FMNL2: variants seen among roughly 807,000 people sequenced by gnomAD.
FMNL2 encodes formin like 2.
In FMNL2, 51 loss-of-function variants were observed where a neutral mutation model predicts 130.2. The observed-to-expected ratio is 0.39, with a 90% CI of 0.31 to 0.49. The LOEUF (loss-of-function observed/expected upper bound fraction) is 0.49, where lower values mean the gene tolerates loss of function less well. Ranked by LOEUF, FMNL2 falls within the 20% of genes least tolerant of loss-of-function variation. The probability of loss-of-function intolerance (pLI) is 0.85; values close to 1 mark genes in which losing one functional copy is unlikely to be tolerated. For synonymous variants in FMNL2, 465 were observed against 467.1 expected, an observed-to-expected ratio of 1.00 and a Z score of 0.06; for missense variants, 977 against 1,316.2, an observed-to-expected ratio of 0.74 and a Z score of 3.99.
chr2:152,549,629 G>A (rs1694828599), intron 4 of FMNL2, among the ~76,000 whole-genome samples: 1 of 152,182 alleles, frequency 6.6e-6, no homozygotes, highest in African/African-American at 2.4e-5. Flanking sequence ...TAAATCCACT[G>A]TGGGAAAATA....
chr2:152,615,582 T>G (rs546589973), intron 12 of FMNL2, among the ~76,000 whole-genome samples: 2 of 152,336 alleles, frequency 1.3e-5, no homozygotes, highest in African/African-American at 4.8e-5. Context: ...GTCTCATTTT[T>G]CTTTGAGGGA....
At chr2:152,601,672 T>TTTC (rs1258399967) in intron 9 of FMNL2, among the ~76,000 whole-genome samples, 6 of 122,952 alleles carry the variant, frequency 4.9e-5, no homozygotes, top group African/African-American at 2.0e-4. Context: ...CTTTTCTTTC[T>TTTC]TTTTTTTTTT....
intron 3 of FMNL2, 121 bp from the exon 4 acceptor site, chr2:152,548,900 T>C (rs1202140876): frequency 9.1e-6 from 7 of 772,872 alleles, no homozygotes; most frequent in Non-Finnish European, 1.2e-5. Flanking sequence ...ACAAAAAAAG[T>C]GAGGGAAGCC....
At chr2:152,467,975 A>G (rs922927953) in intron 1 of FMNL2, among the ~76,000 whole-genome samples, 1 of 152,250 alleles carries the variant, frequency 6.6e-6, no homozygotes, top group African/African-American at 2.4e-5. Context: ...GCAAGTGATC[A>G]GAAGATCTGG....
chr2:152,372,338 T>C (rs1683935991), intron 1 of FMNL2, among the ~76,000 whole-genome samples: 1 of 152,220 alleles, frequency 6.6e-6, no homozygotes, highest in Admixed American at 6.5e-5. Flanking sequence ...GTGTTGATTA[T>C]ATGGAAGGTT....
At chr2:152,547,808 C>A (rs934545475) in intron 3 of FMNL2, among the ~76,000 whole-genome samples, 3 of 152,176 alleles carry the variant, frequency 2.0e-5, no homozygotes, top group Non-Finnish European at 2.9e-5. Context: ...AAGCTCTTTC[C>A]TGTAAACAGT....
Position 152,644,149 on chromosome 2 carries a change from AG to A in FMNL2, c.3169+3237del, listed in dbSNP as rs577865256. Among the ~76,000 whole-genome samples the A allele has an allele frequency of 7.6e-3, 1,151 of 152,298 alleles. 10 individuals carry two copies. Among genetic ancestry groups the A allele is most frequent in the Non-Finnish European group, 0.011 (754 of 68,036 alleles). On this transcript the variant is annotated intron_variant, in intron 25 of 25. Coordinates refer to ENST00000288670, the MANE Select transcript of FMNL2 (RefSeq NM_052905.4). ...GGTGGGAGCATTGCTTGAGCCCAGG[AG>A]GTGGAGGTTGCAGTGAGTGGAGATC...
At chr2:152,590,001 A>ATG (rs66992347) in intron 9 of FMNL2, among the ~76,000 whole-genome samples, 30 of 75,862 alleles carry the variant, frequency 4.0e-4, no homozygotes, top group East Asian at 1.0e-3. Context: ...GTATATGTAT[A>ATG]TATATATACA....
intron 1 of FMNL2, among the ~76,000 whole-genome samples, chr2:152,364,253 G>T (rs1683357068): frequency 1.8e-5 from 2 of 112,138 alleles, no homozygotes; most frequent in Non-Finnish European, 3.5e-5. Flanking sequence ...CCGTTAGGAG[G>T]TTTGTGTGTT....
intron 6 of FMNL2, among the ~76,000 whole-genome samples, chr2:152,562,099 G>A (rs1049603781): frequency 6.6e-5 from 10 of 152,082 alleles, no homozygotes; most frequent in Non-Finnish European, 1.3e-4. Flanking sequence ...ATTGTATGTT[G>A]GTGGATAAAT....
chr2:152,582,014 C>T (rs921524100), intron 9 of FMNL2, among the ~76,000 whole-genome samples: 2 of 152,128 alleles, frequency 1.3e-5, no homozygotes, highest in Non-Finnish European at 2.9e-5. Flanking sequence ...GGGGCTATAC[C>T]AGCTACATGC....
At chr2:152,340,986 G>A (rs1359701381) in intron 1 of FMNL2, among the ~76,000 whole-genome samples, 1 of 152,160 alleles carries the variant, frequency 6.6e-6, no homozygotes, top group African/African-American at 2.4e-5. Flanking sequence ...CACTGTGCCC[G>A]GCCGGAAGGT....
intron 14 of FMNL2, 121 bp downstream of exon 14, chr2:152,619,279 C>T (rs1466341072): frequency 9.0e-6 from 12 of 1,328,360 alleles, no homozygotes; most frequent in Non-Finnish European, 1.2e-5. Flanking sequence ...AATTGGTTTT[C>T]TTGAGTAGTT....
intron 1 of FMNL2, among the ~76,000 whole-genome samples, chr2:152,482,986 T>G (rs999736088): frequency 6.6e-6 from 1 of 152,148 alleles, no homozygotes; most frequent in Non-Finnish European, 1.5e-5. Context: ...GATTACAGGC[T>G]CACTGGGGGC....
intron 6 of FMNL2, among the ~76,000 whole-genome samples, chr2:152,566,778 A>G (rs2105635559): frequency 6.6e-6 from 1 of 152,348 alleles, no homozygotes; most frequent in East Asian, 1.9e-4. Context: ...AACAAACTCT[A>G]ACAATACGGA....
At chr2:152,449,044 G>A (rs906115244) in intron 1 of FMNL2, among the ~76,000 whole-genome samples, 1 of 152,208 alleles carries the variant, frequency 6.6e-6, no homozygotes, top group Admixed American at 6.5e-5. Flanking sequence ...CAGTAGTCAA[G>A]ACCCAAAACA....
intron 25 of FMNL2, among the ~76,000 whole-genome samples, chr2:152,646,111 T>TCA (rs1265455313): frequency 6.7e-6 from 1 of 148,868 alleles, no homozygotes; most frequent in Admixed American, 6.7e-5. Context: ...GCAAATCTGT[T>TCA]GAGTTCAAGA....
chr2:152,371,274 G>A (rs1388574097), intron 1 of FMNL2, among the ~76,000 whole-genome samples: 1 of 152,186 alleles, frequency 6.6e-6, no homozygotes, highest in East Asian at 1.9e-4. Flanking sequence ...TTGGAGGCTG[G>A]TTGTACCACA....
chr2:152,598,885 C>T (rs778895607), intron 9 of FMNL2, among the ~76,000 whole-genome samples: 18 of 152,174 alleles, frequency 1.2e-4, no homozygotes, highest in Non-Finnish European at 2.2e-4. Context: ...TTCCATGCTA[C>T]GCATCTGTAA....
Sources: gnomAD v4.1 joint callset for allele counts (sites outside exome capture counted in the v4.1 genomes callset) on GRCh38, gnomAD v4.1.1 for gene constraint, MANE v1.5 for transcripts, NCBI Gene and HGNC (gene_info 2026-07-23, HGNC 2026-07-21) for gene names.